CCDC14: variants seen among roughly 807,000 people sequenced by gnomAD.
CCDC14 encodes coiled-coil domain containing 14.
A neutral mutation model predicts 81.4 loss-of-function variants in CCDC14; 71 were observed. The ratio of observed to expected loss-of-function variants is 0.87; its 90% CI spans 0.72 to 1.06. The LOEUF (loss-of-function observed/expected upper bound fraction) is 1.06, where lower values mean the gene tolerates loss of function less well. Ranked by LOEUF, CCDC14 falls within the 50% of genes least tolerant of loss-of-function variation. The pLI is 0.00. For missense variants in CCDC14, 1,046 were observed against 1,047.3 expected (o/e 1.00, Z 0.02); for synonymous variants, 332 against 364.8 (o/e 0.91, Z 1.03).
chr3:123,930,283 A>G (rs1033156062), intron 12 of CCDC14, among the ~76,000 whole-genome samples: 3 of 152,038 alleles, frequency 2.0e-5, no homozygotes, highest in Non-Finnish European at 4.4e-5. Context: ...ATGAGGGGGG[A>G]AGTTGAAAAT....
chr3:123,955,769 T>C lies in CCDC14; in HGVS notation c.352+74A>G, dbSNP rs896614523. On this transcript the variant is annotated intron_variant, in intron 5 of 12. Coordinates refer to ENST00000409697, the MANE Select transcript of CCDC14 (RefSeq NM_001366335.1). ...TGATTATTAAAATGAAAATCAACTGTATAATCCTGATAATTGATCAAAATA... is the reference window on the plus strand; with the variant it reads ...TGATTATTAAAATGAAAATCAACTGCATAATCCTGATAATTGATCAAAATA... 6.1e-6 allele frequency: 8 copies of C among 1,305,232 alleles called. No individual in the cohort carries two copies. The African/African-American group carries it at 1.2e-4, about 20-fold the overall frequency. 80.9% of individuals were successfully genotyped at this position (1,305,232 alleles called of 1,614,324 possible).
chr3:123,893,395 AAT>A (rs1214278289), downstream of CCDC14, among the ~76,000 whole-genome samples: 1 of 152,184 alleles, frequency 6.6e-6, no homozygotes, highest in Non-Finnish European at 1.5e-5. Context: ...ATCCAGGTAG[AAT>A]ATATCAAAAC....
At chr3:123,905,217 G>C (rs1577202976) in intron 5 of CCDC14, among the ~76,000 whole-genome samples, 4 of 152,158 alleles carry the variant, frequency 2.6e-5, no homozygotes. Flanking sequence ...GAAACCTTTG[G>C]GGAGACAGGA....
At chr3:123,950,407 G>T (rs2036935894) in intron 5 of CCDC14, among the ~76,000 whole-genome samples, 1 of 152,102 alleles carries the variant, frequency 6.6e-6, no homozygotes, top group South Asian at 2.1e-4. Context: ...TAGCAGAAAT[G>T]GATAAACTGT....
chr3:123,947,093 T>A lies in CCDC14; in HGVS notation c.911A>T (p.Gln304Leu). Reference protein sequence around the residue: ...HKETDLLKCIQTYLSLFRSHG... With the variant: ...HKETDLLKCILTYLSLFRSHG... The stretch of plus-strand genomic sequence containing the variant: ...AGATCGAAAAAGAGACAAATATGTT[T>A]GAATACATTTTAGTAGGTCTGTTTC... The change falls in exon 8 of 13, where the codon CAA (glutamine) becomes CTA (leucine). Residue 304 changes from glutamine (Q) to leucine (L), a missense_variant. Transcript: ENST00000409697. 1 of 1,614,034 alleles carries A rather than the reference T, an allele frequency of 6.2e-7. No individual in the cohort carries two copies. Among genetic ancestry groups the A allele is most frequent in the Non-Finnish European group, 8.5e-7 (1 of 1,179,898 alleles).
intron 1 of CCDC14, chr3:123,957,265 T>C (rs1439322085): frequency 6.6e-6 from 1 of 152,212 alleles, no homozygotes; most frequent in African/African-American, 2.4e-5. Flanking sequence ...ACTACACATA[T>C]ATTTGTTCCT....
intron 12 of CCDC14, among the ~76,000 whole-genome samples, chr3:123,922,174 C>T (rs1046044508): frequency 1.1e-4 from 17 of 151,942 alleles, no homozygotes; most frequent in East Asian, 1.9e-4. Flanking sequence ...TACCTTGAGA[C>T]GAACAAAAAT....
intron 12 of CCDC14, among the ~76,000 whole-genome samples, chr3:123,924,553 T>C (rs140812226): frequency 6.6e-6 from 1 of 152,200 alleles, no homozygotes; most frequent in East Asian, 1.9e-4. Context: ...AAGGGGTTAA[T>C]ATTCAAAATA....
At chr3:123,944,127 G>GGACACCCAA (rs1250166556) in intron 9 of CCDC14, among the ~76,000 whole-genome samples, 1 of 152,118 alleles carries the variant, frequency 6.6e-6, no homozygotes, top group Non-Finnish European at 1.5e-5. Context: ...TTGAACTGGA[G>GGACACCCAA]GACACCCAAC....
chr3:123,908,516 C>T (rs2148766739), downstream of CCDC14, among the ~76,000 whole-genome samples: 1 of 152,288 alleles, frequency 6.6e-6, no homozygotes, highest in Middle Eastern at 3.4e-3. Context: ...AGTGAATTTT[C>T]CCACCAACTT....
chr3:123,912,814 G>C (rs1302823445), downstream of CCDC14, among the ~76,000 whole-genome samples: 1 of 152,066 alleles, frequency 6.6e-6, no homozygotes, highest in Non-Finnish European at 1.5e-5. Flanking sequence ...TGGAGCTCAA[G>C]ACATTCCACA....
chr3:123,915,481 T>C lies in CCDC14; in HGVS notation c.2016A>G (p.Pro672=), dbSNP rs1559762464. 3 of 1,614,028 alleles carry C rather than the reference T, an allele frequency of 1.9e-6. No individual in the cohort carries two copies. Among genetic ancestry groups the C allele is most frequent in the Admixed American group, 3.3e-5 (2 of 60,032 alleles). ...ACAGAACATTTTCATAGGTTTTGTC[T>C]GGCTCTATGGTTTCCTCATTTTTAA... ...STIKNEETIE[P]DKTYENVLSS... Residue 672 remains proline (P), a synonymous_variant, in exon 13 of 13, where the codon CCA becomes CCG. Transcript: ENST00000409697.
At chr3:123,954,861 T>C (rs1442563887) in intron 5 of CCDC14, 1 of 152,184 alleles carries the variant, frequency 6.6e-6, no homozygotes, top group Non-Finnish European at 1.5e-5. Context: ...TTGGTTGTAC[T>C]AGTCACATTT....
At chr3:123,933,338 A>G (rs1577275053) in intron 10 of CCDC14, among the ~76,000 whole-genome samples, 1 of 152,232 alleles carries the variant, frequency 6.6e-6, no homozygotes. Context: ...GTGAATAAAC[A>G]GAAGCTGTGG....
intron 1 of CCDC14, chr3:123,957,784 T>C (rs2037412382): frequency 6.6e-6 from 1 of 152,036 alleles, no homozygotes; most frequent in Non-Finnish European, 1.5e-5. Context: ...TAATTTTATA[T>C]CAGATAAATA....
At chr3:123,900,892 T>A (rs907221898) in intron 5 of CCDC14, among the ~76,000 whole-genome samples, 1 of 152,048 alleles carries the variant, frequency 6.6e-6, no homozygotes, top group Non-Finnish European at 1.5e-5. Context: ...AAAGTTTATA[T>A]AAAGAAAGAA....
intron 5 of CCDC14, among the ~76,000 whole-genome samples, chr3:123,904,544 A>T (rs2034257209): frequency 6.6e-6 from 1 of 151,532 alleles, no homozygotes; most frequent in African/African-American, 2.4e-5. Flanking sequence ...CGTTAATCTC[A>T]TGATGGTGGG....
At chr3:123,955,733 C>G (rs1266359501) in intron 5 of CCDC14, 110 bp downstream of exon 5, 1 of 994,328 alleles carries the variant, frequency 1.0e-6, no homozygotes, top group East Asian at 2.9e-5. Flanking sequence ...ACACATAAAC[C>G]TAACTAATAC....
In CCDC14 at chr3:123,898,280, G is replaced by A. The variant is rs542540430; in HGVS notation, c.668-667C>T. ...GTTGTTGTGAGGGTTGCACAAGAGC[G>A]CACATTGCAAAGCATATCAGCAGAG... On this transcript the variant is annotated intron_variant, in intron 5 of 5. Transcript: ENST00000479903. 5.9e-5 allele frequency among the ~76,000 whole-genome samples: 9 copies of A among 152,284 alleles called. No individual in the cohort carries two copies. In the South Asian group the frequency reaches 1.2e-3, roughly 21 times the overall value.
Sources: allele counts gnomAD v4.1 joint callset (sites outside exome capture counted in the v4.1 genomes callset), GRCh38; gene constraint gnomAD v4.1.1; transcripts MANE v1.5; gene names NCBI Gene and HGNC (gene_info 2026-07-23, HGNC 2026-07-21).